Variants in TLE4 observed in about 807,000 individuals in gnomAD.
The protein encoded by TLE4 is TLE family member 4, transcriptional corepressor.
Under a neutral mutation model 92.8 loss-of-function variants are expected in TLE4, and 8 were observed. The observed-to-expected ratio is 0.09, with a 90% CI of 0.05 to 0.16. The LOEUF (loss-of-function observed/expected upper bound fraction) is 0.16. Ranked by LOEUF, TLE4 falls within the 10% of genes least tolerant of loss-of-function variation. The pLI is 1.00. For synonymous variants in TLE4, 371 were observed against 374.1 expected (o/e 0.99, Z 0.10); for missense variants, 675 against 997.6 (o/e 0.68, Z 4.36).
chr9:79,721,999 T>C, intron 17 of TLE4, 111 bp downstream of exon 17: 1 of 1,436,250 alleles, frequency 7.0e-7, no homozygotes, highest in Non-Finnish European at 9.2e-7. Flanking sequence ...ACCCCATCTC[T>C]ACTAAAAGTA....
At chr9:79,722,001 C>T in intron 17 of TLE4, 113 bp downstream of exon 17, 1 of 1,436,924 alleles carries the variant, frequency 7.0e-7, no homozygotes, top group Non-Finnish European at 9.2e-7. Context: ...CCCATCTCTA[C>T]TAAAAGTACA....
chr9:79,579,664 TTGTG>T (rs773021125), intron 4 of TLE4, among the ~76,000 whole-genome samples: 30 of 151,122 alleles, frequency 2.0e-4, no homozygotes, highest in East Asian at 5.8e-4. Flanking sequence ...GTGTGTGTAT[TTGTG>T]TGTGTGTGTG....
chr9:79,656,068 A>G (rs772159171), intron 8 of TLE4, among the ~76,000 whole-genome samples: 3 of 152,218 alleles, frequency 2.0e-5, no homozygotes, highest in Non-Finnish European at 2.9e-5. Context: ...TGGCATCTAT[A>G]AATAGATGTT....
rs781051074 is a variant in TLE4 at position 79,652,678 on chromosome 9, C to T, written c.476C>T (p.Ala159Val). 4 of 1,614,210 alleles carry T rather than the reference C, an allele frequency of 2.5e-6. No homozygotes were observed. Among genetic ancestry groups the T allele is most frequent in the South Asian group, 2.2e-5 (2 of 91,080 alleles). ...TPHPSGLQPP[A>V]IPPIGSSAGL... ...CACCCTTCAGGGCTCCAGCCCCCTGCCATTCCACCCATCGGTAGCAGTGCC... is the reference window on the plus strand; with the variant it reads ...CACCCTTCAGGGCTCCAGCCCCCTGTCATTCCACCCATCGGTAGCAGTGCC... Residue 159 changes from alanine to valine, a missense_variant, in exon 7 of 20, where the codon GCC (alanine) becomes GTC (valine). Physicochemically the swap from Ala to Val is moderately conservative, Grantham distance 64 (BLOSUM62 0). This residue lies in a region of TLE4 where 280 missense variants were observed against 287.3 expected (regional missense o/e 0.97). Transcript: ENST00000376552.
In TLE4 at chr9:79,720,091, C is replaced by G; in HGVS notation, c.1636C>G (p.Arg546Gly). 6.2e-7 allele frequency: 1 copy of G among 1,613,928 alleles called. No homozygotes were observed. The highest frequency in any genetic ancestry group is 8.5e-7 in the Non-Finnish European group (1 of 1,179,882). Residue 546 changes from arginine (R) to glycine (G), a missense_variant, in exon 16 of 20, where the codon CGC becomes GGC. By Grantham distance (125) the Arg-to-Gly change is moderately radical. This residue lies in a region of TLE4 where 170 missense variants were observed against 359.6 expected (regional missense o/e 0.47). Coordinates refer to ENST00000376552, the MANE Select transcript of TLE4 (RefSeq NM_007005.6). ...IRSCRLLPDG[R>G]TLIVGGEAST... is the part of the protein sequence containing the mutation. ...TTCCTGCAGATTGCTCCCTGATGGT[C>G]GCACCCTAATTGTTGGAGGGGAAGC...
At chr9:79,653,327 C>T (rs2059303380) in intron 7 of TLE4, among the ~76,000 whole-genome samples, 1 of 152,188 alleles carries the variant, frequency 6.6e-6, no homozygotes, top group Non-Finnish European at 1.5e-5. Context: ...CTCTCTCACC[C>T]AGTCTGTTTA....
Position 79,718,708 on chromosome 9 carries a change from C to G in TLE4, c.1341-14C>G. The G allele has an allele frequency of 6.3e-7, 1 of 1,595,026 alleles. No homozygotes were observed. The highest frequency in any genetic ancestry group is 1.1e-5 in the South Asian group (1 of 89,948). ...TACATTCCCCTCTTTCTTTTTTCCT[C>G]TCCATTGCCTTAGAGCATACTCCTT... On this transcript the variant is annotated splice_polypyrimidine_tract_variant and intron_variant, in intron 14 of 19. Coordinates refer to ENST00000376552, the MANE Select transcript of TLE4 (RefSeq NM_007005.6).
chr9:79,705,777 G>A, intron 9 of TLE4, 112 bp from the exon 10 acceptor site: 1 of 1,069,196 alleles, frequency 9.4e-7, no homozygotes, highest in South Asian at 1.3e-5. Context: ...ATTTAACACT[G>A]TTTGGTACAG....
In TLE4 at chr9:79,572,331, G is replaced by A. The variant is rs570868014; in HGVS notation, c.-460G>A. 3 of 152,256 alleles carry A rather than the reference G, an allele frequency of 2.0e-5. No homozygotes were observed. The highest frequency in any genetic ancestry group is 2.1e-4 in the South Asian group (1 of 4,828). The allele number at this position is 152,256 out of a possible 1,614,324, so 9.4% of individuals were successfully genotyped here. On this transcript the variant is annotated 5_prime_UTR_variant, in exon 1 of 20. Coordinates refer to ENST00000376552, the MANE Select transcript of TLE4 (RefSeq NM_007005.6). ...GTTTGTGTTTGCTTTTAGGGAAGAA[G>A]AAAGATCATTCATTCGGAGGAATAA...
chr9:79,684,679 C>A (rs760686864), intron 8 of TLE4, among the ~76,000 whole-genome samples: 1 of 152,160 alleles, frequency 6.6e-6, no homozygotes, highest in Non-Finnish European at 1.5e-5. Context: ...TGGTCTAGAA[C>A]GTCTTCAGCT....
chr9:79,651,309 C>A (rs963987769), intron 6 of TLE4, among the ~76,000 whole-genome samples: 5 of 152,212 alleles, frequency 3.3e-5, no homozygotes, highest in African/African-American at 1.2e-4. Flanking sequence ...GTCCTTCCTT[C>A]ACCACCAACT....
intron 6 of TLE4, among the ~76,000 whole-genome samples, chr9:79,641,446 T>A (rs935168300): frequency 6.6e-6 from 1 of 152,092 alleles, no homozygotes; most frequent in Admixed American, 6.6e-5. Context: ...TAAATAAAAG[T>A]CAAAAACCCT....
In TLE4 at chr9:79,583,571, T is replaced by C. The variant is rs765226733; in HGVS notation, c.252+7394T>C. On this transcript the variant is annotated intron_variant, in intron 4 of 19. Coordinates refer to ENST00000376552, the MANE Select transcript of TLE4 (RefSeq NM_007005.6). ...GCAGCAACCTAGGCAAAGTGAGAGG[T>C]TGGGGAAGGAGGAGGGGGGATATTG... Among the ~76,000 whole-genome samples, 144 of 151,934 alleles carry C rather than the reference T, an allele frequency of 9.5e-4. 1 individual carries two copies. Among genetic ancestry groups the C allele is most frequent in the Admixed American group, 4.8e-3 (73 of 15,262 alleles).
intron 8 of TLE4, among the ~76,000 whole-genome samples, chr9:79,664,441 G>A (rs908324149): frequency 2.0e-5 from 3 of 152,156 alleles, no homozygotes; most frequent in African/African-American, 7.2e-5. Flanking sequence ...CCGCCTCAGG[G>A]ATTATAACCA....
At chr9:79,651,434 T>A (rs148552980) in intron 6 of TLE4, among the ~76,000 whole-genome samples, 123 of 152,300 alleles carry the variant, frequency 8.1e-4, no homozygotes, top group African/African-American at 2.8e-3. Flanking sequence ...TCCAGCCTCT[T>A]GAGGGCTTTC....
At chr9:79,579,606 A>G (rs887678817) in intron 4 of TLE4, among the ~76,000 whole-genome samples, 3 of 152,152 alleles carry the variant, frequency 2.0e-5, no homozygotes, top group Non-Finnish European at 4.4e-5. Context: ...TAGAATCTGA[A>G]AGTAAGTACT....
In TLE4 at chr9:79,576,954, TAC is replaced by T. The variant is rs942045274; in HGVS notation, c.252+787_252+788del. Among the ~76,000 whole-genome samples, 17 of 151,526 alleles carry T rather than the reference TAC, an allele frequency of 1.1e-4. No individual in the cohort carries two copies. The South Asian group carries it at 1.7e-3, about 15-fold the overall frequency. ...GGGTATATCTATCTATATATATATA[TAC>T]ACACACACAAATATATATACATACA... On this transcript the variant is annotated intron_variant, in intron 4 of 19. Coordinates refer to ENST00000376552, the MANE Select transcript of TLE4 (RefSeq NM_007005.6).
chr9:79,578,042 T>C (rs2038460811), intron 4 of TLE4, among the ~76,000 whole-genome samples: 1 of 152,214 alleles, frequency 6.6e-6, no homozygotes, highest in Non-Finnish European at 1.5e-5. Flanking sequence ...TTTATCACAT[T>C]ATGAAATACA....
intron 6 of TLE4, among the ~76,000 whole-genome samples, chr9:79,641,243 C>T (rs1188805482): frequency 6.6e-6 from 1 of 150,426 alleles, no homozygotes; most frequent in Non-Finnish European, 1.5e-5. Flanking sequence ...GAATGAAAAA[C>T]ATCTGTTCAT....
Sources: allele counts gnomAD v4.1 joint callset (sites outside exome capture counted in the v4.1 genomes callset), GRCh38; gene constraint gnomAD v4.1.1; regional missense constraint gnomAD v4.1.1; transcripts MANE v1.5; gene names NCBI Gene and HGNC (gene_info 2026-07-23, HGNC 2026-07-21).